Variants in CAPN3 observed in about 807,000 individuals in gnomAD.
CAPN3 encodes calpain 3, also known as calpain-3.
A neutral mutation model predicts 114.0 loss-of-function variants in CAPN3; 88 were observed. That is an observed-to-expected ratio of 0.77 (90% CI 0.65 to 0.92). The LOEUF is 0.92. Among genes scored for constraint, CAPN3 ranks in the 40% least tolerant of loss-of-function variants. The pLI, the probability that CAPN3 is intolerant of heterozygous loss-of-function variation, is 0.00. For synonymous variants in CAPN3, 386 were observed against 382.9 expected (o/e 1.01, Z -0.09); for missense variants, 1,028 against 1,069.0 (o/e 0.96, Z 0.53).
chr15:42,402,039 C>T (rs988728212), intron 11 of CAPN3, 85 bp from the exon 12 acceptor site: 16 of 1,554,692 alleles, frequency 1.0e-5, no homozygotes, highest in Admixed American at 1.7e-5. Flanking sequence ...CTTCCGCATG[C>T]GGGCTGCAGT....
At chr15:42,390,790 G>GTTTTTTTTTTTTTTTTTTTTTTTT (rs373599109) in intron 6 of CAPN3, among the ~76,000 whole-genome samples, 1 of 110,302 alleles carries the variant, frequency 9.1e-6, no homozygotes, top group East Asian at 2.6e-4. Flanking sequence ...TTGTTTTTTT[G>GTTTTTTTTTTTTTTTTTTTTTTTT]TTTTTTTTTT....
At chr15:42,394,710 C>T (rs980435808) in intron 8 of CAPN3, among the ~76,000 whole-genome samples, 2 of 152,114 alleles carry the variant, frequency 1.3e-5, no homozygotes, top group African/African-American at 4.8e-5. Flanking sequence ...TTAGCACTTA[C>T]CTTGTGGGCT....
chr15:42,397,417 G>A (rs544025882), intron 9 of CAPN3, among the ~76,000 whole-genome samples: 16 of 152,236 alleles, frequency 1.1e-4, no homozygotes, highest in Non-Finnish European at 1.5e-4. Flanking sequence ...CGAGGTGAAC[G>A]GATCACGAGG....
At chr15:42,387,653 C>T (rs1163892052) in intron 3 of CAPN3, 100 bp from the exon 4 acceptor site, 1 of 1,427,972 alleles carries the variant, frequency 7.0e-7, no homozygotes, top group East Asian at 2.3e-5. Context: ...GGAAATGATG[C>T]TGCTTTGGGA....
intron 1 of CAPN3, among the ~76,000 whole-genome samples, chr15:42,373,378 A>T (rs1377098397): frequency 1.3e-5 from 2 of 152,162 alleles, no homozygotes; most frequent in Non-Finnish European, 2.9e-5. Flanking sequence ...AAGTTCAAAG[A>T]TCACACTTTG....
intron 7 of CAPN3, among the ~76,000 whole-genome samples, chr15:42,393,836 G>T (rs28364451): frequency 0.015 from 2,253 of 151,386 alleles, 57 homozygotes; most frequent in African/African-American, 0.052. Flanking sequence ...CTCGTGATCC[G>T]CCCACCTCGG....
At chr15:42,401,020 C>A (rs2053847203) in intron 10 of CAPN3, among the ~76,000 whole-genome samples, 2 of 151,978 alleles carry the variant, frequency 1.3e-5, no homozygotes, top group Admixed American at 1.3e-4. Flanking sequence ...ATGGTGAAAA[C>A]CCATCTCTAC....
At chr15:42,386,346 G>A in intron 3 of CAPN3, 61 bp downstream of exon 3, 1 of 1,159,020 alleles carries the variant, frequency 8.6e-7, no homozygotes, top group Non-Finnish European at 1.3e-6. Context: ...CTGGTCTCCT[G>A]GCCTTGACTT....
Position 42,379,549 on chromosome 15 carries a change from AT to A in CAPN3, c.310-4933del, listed in dbSNP as rs2053182846. Among the ~76,000 whole-genome samples the A allele has an allele frequency of 2.0e-5, 3 of 152,288 alleles. No individual in the cohort carries two copies. In the South Asian group the frequency reaches 6.2e-4, roughly 32 times the overall value. ...AAAGAGAGTGTTGACATCACCAACT[AT>A]AATACTGGATTTGTCTATTTCTCCT... On this transcript the variant is annotated intron_variant, in intron 1 of 23. Transcript: ENST00000397163.
Position 42,410,680 on chromosome 15 carries a change from A to G in CAPN3, c.2263+14A>G, listed in dbSNP as rs886038225. 8.1e-6 allele frequency: 13 copies of G among 1,608,550 alleles called. No homozygotes were observed. Among genetic ancestry groups the G allele is most frequent in the Admixed American group, 3.3e-5 (2 of 59,752 alleles). ...TCAACGACGCAGGTGCTGAGAAGGA[A>G]GGGGTGGCAGGGATGTGGACCCGAG... On this transcript the variant is annotated intron_variant, in intron 21 of 23. Transcript: ENST00000397163.
At chr15:42,403,033 T>C in intron 13 of CAPN3, 31 bp downstream of exon 13, 1 of 1,592,204 alleles carries the variant, frequency 6.3e-7, no homozygotes, top group Non-Finnish European at 8.6e-7. Flanking sequence ...CCCACGTGTT[T>C]CTAAAAGCTC....
intron 14 of CAPN3, 71 bp downstream of exon 14, chr15:42,403,848 G>A (rs2053944956): frequency 2.9e-6 from 4 of 1,362,434 alleles, no homozygotes; most frequent in South Asian, 2.3e-5. Flanking sequence ...GGGACAGATG[G>A]TGCAGGGGAG....
intron 1 of CAPN3, among the ~76,000 whole-genome samples, chr15:42,382,688 G>C (rs151091115): frequency 1.3e-5 from 2 of 152,008 alleles, no homozygotes; most frequent in Non-Finnish European, 2.9e-5. Context: ...ATTTCTTATG[G>C]TTCATATTTC....
chr15:42,372,779 C>G (rs546369431), intron 1 of CAPN3, among the ~76,000 whole-genome samples: 2 of 151,112 alleles, frequency 1.3e-5, no homozygotes, highest in South Asian at 2.1e-4. Flanking sequence ...ACCCAGGAGG[C>G]GGAGGTTGCA....
At chr15:42,366,736 A>T (rs1418108990) in intron 1 of CAPN3, among the ~76,000 whole-genome samples, 4 of 152,152 alleles carry the variant, frequency 2.6e-5, no homozygotes, top group Non-Finnish European at 5.9e-5. Context: ...ACTGAAAGGA[A>T]AATGGAGTGG....
At chr15:42,408,504 T>G in intron 16 of CAPN3, 180 bp downstream of exon 16, 1 of 606,100 alleles carries the variant, frequency 1.6e-6, no homozygotes, top group African/African-American at 1.8e-5. Context: ...GCTGCTTGGG[T>G]GAATATCCCA....
In CAPN3 at chr15:42,403,004, T is replaced by G; in HGVS notation, c.1745+2T>G. On this transcript the variant is annotated splice_donor_variant, in intron 13 of 23. Transcript: ENST00000397163. LOFTEE classifies it high-confidence loss of function. ...CTCTGAAAAGAGGAACCTCTCTGAG[T>G]GAGTGCTGGCCCAGCTTTCCCACGT... 1 of 1,613,312 alleles carries G rather than the reference T, an allele frequency of 6.2e-7. No individual in the cohort carries two copies. Among genetic ancestry groups the G allele is most frequent in the Non-Finnish European group, 8.5e-7 (1 of 1,179,312 alleles).
chr15:42,387,625 A>G, intron 3 of CAPN3, 128 bp from the exon 4 acceptor site: 2 of 1,156,490 alleles, frequency 1.7e-6, no homozygotes, highest in South Asian at 1.2e-5. Context: ...ATGAACAGGC[A>G]CCCAGATGCA....
At position 42,359,786 on chromosome 15, in the gene CAPN3, T is replaced by C; in HGVS notation, c.-20T>C. 1 of 1,612,656 alleles carries C rather than the reference T, an allele frequency of 6.2e-7. No individual in the cohort carries two copies. Among genetic ancestry groups the C allele is most frequent in the Non-Finnish European group, 8.5e-7 (1 of 1,180,030 alleles). On this transcript the variant is annotated 5_prime_UTR_variant, in exon 1 of 24. Transcript: ENST00000397163. The stretch of plus-strand genomic sequence containing the variant: ...TATCTTATTTTCTTTAAAAAGCTTT[T>C]TCTTCCAAAGCCACTTGCCATGCCG...
Sources: allele counts gnomAD v4.1 joint callset (sites outside exome capture counted in the v4.1 genomes callset), GRCh38; gene constraint gnomAD v4.1.1; transcripts MANE v1.5; gene names NCBI Gene and HGNC (gene_info 2026-07-23, HGNC 2026-07-21).